LPAR1: variants seen among roughly 807,000 people sequenced by gnomAD.
LPAR1 encodes the protein lysophosphatidic acid receptor 1.
In LPAR1, 5 loss-of-function variants were observed where a neutral mutation model predicts 23.8. The observed-to-expected ratio is 0.21, with a 90% CI of 0.11 to 0.44. The LOEUF is 0.44. Ranked by LOEUF, LPAR1 falls within the 20% of genes least tolerant of loss-of-function variation. The pLI is 0.99. For missense variants in LPAR1, 311 were observed against 482.8 expected (o/e 0.64, Z 3.33); for synonymous variants, 160 against 164.7 (o/e 0.97, Z 0.22).
intron 2 of LPAR1, among the ~76,000 whole-genome samples, chr9:111,018,047 A>G (rs1238725779): frequency 6.6e-6 from 1 of 152,100 alleles, no homozygotes; most frequent in Non-Finnish European, 1.5e-5. Context: ...AACAAAAAAA[A>G]ACTTTTTCAC....
chr9:110,878,175 T>C (rs1279365019), intron 5 of LPAR1, among the ~76,000 whole-genome samples: 3 of 152,148 alleles, frequency 2.0e-5, no homozygotes, highest in Non-Finnish European at 2.9e-5. Flanking sequence ...CAACACTCTG[T>C]GTTTGGATCT....
chr9:111,016,177 C>A (rs1291308765), intron 2 of LPAR1, among the ~76,000 whole-genome samples: 3 of 152,210 alleles, frequency 2.0e-5, no homozygotes, highest in South Asian at 4.2e-4. Flanking sequence ...TATTCCCCAC[C>A]CAGATTAATC....
At chr9:110,958,866 A>G (rs1218722632) in intron 4 of LPAR1, among the ~76,000 whole-genome samples, 1 of 151,848 alleles carries the variant, frequency 6.6e-6, no homozygotes, top group East Asian at 1.9e-4. Flanking sequence ...GTTAAAAAAA[A>G]AAAAAAGCAA....
chr9:111,020,901 T>G (rs2141063617), intron 2 of LPAR1, among the ~76,000 whole-genome samples: 1 of 152,304 alleles, frequency 6.6e-6, no homozygotes, highest in East Asian at 1.9e-4. Flanking sequence ...TACCTGGACT[T>G]CCTGAGTAAA....
chr9:110,969,838 A>G (rs908942139), intron 4 of LPAR1, among the ~76,000 whole-genome samples: 2 of 152,218 alleles, frequency 1.3e-5, no homozygotes, highest in Non-Finnish European at 2.9e-5. Context: ...TTTGCAACCA[A>G]TGCTTCAATG....
chr9:110,905,353 T>TTA (rs2090885131), intron 5 of LPAR1, among the ~76,000 whole-genome samples: 2 of 151,552 alleles, frequency 1.3e-5, no homozygotes, highest in African/African-American at 4.9e-5. Flanking sequence ...TTTATTATTT[T>TTA]TTTTTTTTTG....
intron 5 of LPAR1, among the ~76,000 whole-genome samples, chr9:110,887,510 A>T (rs2082735568): frequency 6.6e-6 from 1 of 152,162 alleles, no homozygotes; most frequent in Non-Finnish European, 1.5e-5. Flanking sequence ...CAGAGCAGAA[A>T]GGAGGTACGG....
chr9:110,959,832 A>G (rs566922351), intron 4 of LPAR1, among the ~76,000 whole-genome samples: 1 of 152,272 alleles, frequency 6.6e-6, no homozygotes, highest in East Asian at 1.9e-4. Flanking sequence ...GAATGAAATC[A>G]TGTCAGTTGC....
chr9:110,886,972 C>T (rs1201961654), intron 5 of LPAR1, among the ~76,000 whole-genome samples: 1 of 151,930 alleles, frequency 6.6e-6, no homozygotes. Flanking sequence ...AGGAAATTCC[C>T]CTTAGAATCT....
chr9:110,896,725 T>G (rs2086464714), intron 5 of LPAR1, among the ~76,000 whole-genome samples: 1 of 151,572 alleles, frequency 6.6e-6, no homozygotes, highest in Non-Finnish European at 1.5e-5. Flanking sequence ...AAGCATGACT[T>G]AAAATTTGGG....
intron 2 of LPAR1, among the ~76,000 whole-genome samples, chr9:110,985,573 G>A (rs967690791): frequency 6.6e-5 from 10 of 152,012 alleles, no homozygotes; most frequent in Non-Finnish European, 1.2e-4. Context: ...GGCCAGGTCA[G>A]GTATTCTAGA....
chr9:110,996,905 A>T (rs949293909), intron 2 of LPAR1, among the ~76,000 whole-genome samples: 2 of 152,174 alleles, frequency 1.3e-5, no homozygotes, highest in African/African-American at 4.8e-5. Flanking sequence ...CGTTACAGAG[A>T]CTGATCTCTG....
rs1330514841 is a variant in LPAR1, at chr9:111,005,145, A to G, written c.-182+30977T>C. 2.2e-5 allele frequency among the ~76,000 whole-genome samples: 3 copies of G among 136,062 alleles called. No homozygotes were observed. The East Asian group carries it at 6.1e-4, about 28-fold the overall frequency. The allele number at this position is 136,062 out of a possible 152,430, so 89.3% of individuals were successfully genotyped here. On this transcript the variant is annotated intron_variant, in intron 2 of 5. Coordinates refer to ENST00000683809, the MANE Select transcript of LPAR1 (RefSeq NM_001351411.2). ...ACACTGTACTCTAGCCTGGGTGACA[A>G]AGTCTCAAAAAAAAAAAAAAAAAAA...
rs1564316925 is a variant in LPAR1 at position 111,005,575 on chromosome 9, A to AAAAAAAAAAAAAAG, written c.-182+30546_-182+30547insCTTTTTTTTTTTTT. ...AAAAAAAAAAAAAAAAAAAAAAAAAAAAGAAGAATTGGGAAGGAGGAAGCA... is the reference window on the plus strand; with the variant it reads ...AAAAAAAAAAAAAAAAAAAAAAAAAAAAAAAAAAAAAAAGAAGAAGAATTGGGAAGGAGGAAGCA... On this transcript the variant is annotated intron_variant, in intron 2 of 5. Transcript: ENST00000683809. Among the ~76,000 whole-genome samples the AAAAAAAAAAAAAAG allele has an allele frequency of 5.7e-4, 75 of 131,484 alleles. 2 individuals are homozygous for AAAAAAAAAAAAAAG. The highest frequency in any genetic ancestry group is 2.4e-3 in the African/African-American group (75 of 30,936). The allele number at this position is 131,484 out of a possible 152,430, so 86.3% of individuals were successfully genotyped here.
intron 5 of LPAR1, among the ~76,000 whole-genome samples, chr9:110,918,078 TTTTGTTTG>T (rs371432904): frequency 6.6e-6 from 1 of 151,948 alleles, no homozygotes; most frequent in Non-Finnish European, 1.5e-5. Flanking sequence ...AACTTTTGTT[TTTTGTTTG>T]TTTGTTTGTT....
intron 3 of LPAR1, among the ~76,000 whole-genome samples, chr9:110,972,902 G>A (rs1227769306): frequency 6.6e-6 from 1 of 151,706 alleles, no homozygotes; most frequent in Non-Finnish European, 1.5e-5. Context: ...ATCCAAGATG[G>A]CACCACTGCA....
intron 4 of LPAR1, among the ~76,000 whole-genome samples, chr9:110,963,842 G>C (rs954101031): frequency 1.3e-5 from 2 of 152,112 alleles, no homozygotes; most frequent in African/African-American, 4.8e-5. Flanking sequence ...AAAAAATAAA[G>C]CTGAAAAAGA....
rs148586386 is a variant in LPAR1, at chr9:110,888,544, G to A, written c.794-12822C>T. Among the ~76,000 whole-genome samples, 11 of 147,166 alleles carry A rather than the reference G, an allele frequency of 7.5e-5. No individual in the cohort carries two copies. In the East Asian group the frequency reaches 2.0e-3, roughly 26 times the overall value. On this transcript the variant is annotated intron_variant, in intron 5 of 5. Transcript: ENST00000683809. ...TTATTTCATTAGTTATGTGACTAGG[G>A]ATGCAGCAATGAACCCAGCAGAAAA...
At chr9:110,887,090 C>T (rs2082612732) in intron 5 of LPAR1, among the ~76,000 whole-genome samples, 1 of 151,984 alleles carries the variant, frequency 6.6e-6, no homozygotes, top group Admixed American at 6.5e-5. Flanking sequence ...TAAATCTAAA[C>T]AAGTACTGAA....
Sources: gnomAD v4.1 joint callset for allele counts (sites outside exome capture counted in the v4.1 genomes callset) on GRCh38, gnomAD v4.1.1 for gene constraint, MANE v1.5 for transcripts, NCBI Gene and HGNC (gene_info 2026-07-23, HGNC 2026-07-21) for gene names.